Variants in PCCB observed in about 807,000 individuals in gnomAD.
PCCB encodes propionyl-CoA carboxylase beta chain, mitochondrial.
A neutral mutation model predicts 60.7 loss-of-function variants in PCCB; 43 were observed. That is an observed-to-expected ratio of 0.71 (90% CI 0.55 to 0.91). The LOEUF (loss-of-function observed/expected upper bound fraction) is 0.91, where lower values mean the gene tolerates loss of function less well. Ranked by LOEUF, PCCB falls within the 40% of genes least tolerant of loss-of-function variation. PCCB has a pLI of 0.00. For missense variants in PCCB, 766 were observed against 702.8 expected, an observed-to-expected ratio of 1.09 and a Z score of -1.02; for synonymous variants, 276 against 255.9, an observed-to-expected ratio of 1.08 and a Z score of -0.75.
chr3:136,274,776 G>A (rs1179959400), intron 5 of PCCB, among the ~76,000 whole-genome samples: 1 of 150,236 alleles, frequency 6.7e-6, no homozygotes, highest in Non-Finnish European at 1.5e-5. Flanking sequence ...AGGTTTGGTT[G>A]TTTTACATAA....
At chr3:136,279,520 A>G (rs1942417730) in intron 5 of PCCB, among the ~76,000 whole-genome samples, 1 of 152,134 alleles carries the variant, frequency 6.6e-6, no homozygotes, top group Admixed American at 6.5e-5. Context: ...ATACCAGGTT[A>G]GCTTTAGTAG....
chr3:136,266,930 T>A (rs537398205), intron 5 of PCCB, among the ~76,000 whole-genome samples: 4 of 152,340 alleles, frequency 2.6e-5, no homozygotes, highest in Admixed American at 1.3e-4. Context: ...TCCTCCAGGC[T>A]GGAGTTCAGT....
Position 136,298,053 on chromosome 3 carries a change from C to G in PCCB, c.865C>G (p.Arg289Gly). ...GAGCAGTCAGGACCCGGCTCCCGTC[C>G]GTGAGTGCCACGATCCCAGGTGGGT... ...PLSSQDPAPV[R>G]ECHDPSDRLV... Residue 289 changes from arginine (R) to glycine (G), a missense_variant, in exon 8 of 15, where the codon CGT (arginine) becomes GGT (glycine). Coordinates refer to ENST00000251654, the MANE Select transcript of PCCB (RefSeq NM_000532.5). The G allele has an allele frequency of 6.2e-7, 1 of 1,614,118 alleles. No homozygotes were observed. Among genetic ancestry groups the G allele is most frequent in the Non-Finnish European group, 8.5e-7 (1 of 1,179,990 alleles).
chr3:136,328,867 T>G lies in PCCB; in HGVS notation c.1498+10T>G, dbSNP rs777201996. 21 of 1,598,796 alleles carry G rather than the reference T, an allele frequency of 1.3e-5. No individual in the cohort carries two copies. Among genetic ancestry groups the G allele is most frequent in the Non-Finnish European group, 1.5e-5 (18 of 1,166,118 alleles). ...CCTGCAGCAGTGCGAGGTAGGGGAC[T>G]GTGGTGAAGAGGGCAGCTTTGTTTG... On this transcript the variant is annotated intron_variant, in intron 14 of 14. Coordinates refer to ENST00000251654, the MANE Select transcript of PCCB (RefSeq NM_000532.5).
At chr3:136,272,250 G>A (rs1035176521) in intron 5 of PCCB, among the ~76,000 whole-genome samples, 6 of 152,090 alleles carry the variant, frequency 3.9e-5, no homozygotes, top group African/African-American at 1.4e-4. Context: ...TGTGCTGTGG[G>A]ATTTGGTTAG....
In PCCB at chr3:136,255,096, G is replaced by T. The variant is rs192194349; in HGVS notation, c.184-760G>T. 1.8e-4 allele frequency among the ~76,000 whole-genome samples: 28 copies of T among 151,426 alleles called. No individual in the cohort carries two copies. The East Asian group carries it at 5.5e-3, about 30-fold the overall frequency. ...TCTCCATGTTGGTCAGGCTGGTCTC[G>T]ATCTCCTGACCTTGTGATCCACCCG... is the stretch of plus-strand genomic sequence containing the variant. On this transcript the variant is annotated intron_variant, in intron 1 of 14. Transcript: ENST00000251654.
intron 9 of PCCB, among the ~76,000 whole-genome samples, chr3:136,307,548 A>C (rs1281231056): frequency 6.6e-6 from 1 of 152,198 alleles, no homozygotes; most frequent in African/African-American, 2.4e-5. Context: ...AAAGGTAACC[A>C]CTAGACTAAA....
At chr3:136,314,743 A>G (rs925778377) in intron 9 of PCCB, among the ~76,000 whole-genome samples, 13 of 152,204 alleles carry the variant, frequency 8.5e-5, no homozygotes, top group African/African-American at 2.9e-4. Context: ...GGCAAGAATC[A>G]TGGCTGCTTG....
intron 5 of PCCB, among the ~76,000 whole-genome samples, chr3:136,276,529 G>A (rs1250565255): frequency 2.0e-5 from 3 of 152,074 alleles, no homozygotes; most frequent in Non-Finnish European, 4.4e-5. Context: ...GTTCCACACA[G>A]AGAGGAATTT....
intron 1 of PCCB, among the ~76,000 whole-genome samples, chr3:136,253,081 G>GGTTTTTT (rs1178870994): frequency 6.8e-5 from 4 of 58,438 alleles, no homozygotes; most frequent in Non-Finnish European, 1.0e-4. Flanking sequence ...AAGCAATGGA[G>GGTTTTTT]GTTTTTTTTT....
chr3:136,275,237 A>G (rs546390332), intron 5 of PCCB, among the ~76,000 whole-genome samples: 73 of 152,020 alleles, frequency 4.8e-4, no homozygotes, highest in African/African-American at 1.8e-3. Context: ...TTTCCATTGC[A>G]TTTTGTATTT....
chr3:136,308,069 A>G (rs974704954), intron 9 of PCCB, among the ~76,000 whole-genome samples: 1 of 152,084 alleles, frequency 6.6e-6, no homozygotes, highest in Non-Finnish European at 1.5e-5. Flanking sequence ...AAATATGTCT[A>G]ATTTGTTATG....
At chr3:136,284,010 A>T in intron 6 of PCCB, 63 bp downstream of exon 6, 1 of 1,010,758 alleles carries the variant, frequency 9.9e-7, no homozygotes, top group South Asian at 1.3e-5. Flanking sequence ...ACCTGCAATA[A>T]AAATAATTCC....
chr3:136,291,491 G>A (rs1269471412), intron 6 of PCCB, among the ~76,000 whole-genome samples: 4 of 152,202 alleles, frequency 2.6e-5, no homozygotes, highest in African/African-American at 9.7e-5. Flanking sequence ...GGAAGAGGAA[G>A]TGTTCTGTAG....
chr3:136,266,046 C>T (rs1941974027), intron 5 of PCCB, among the ~76,000 whole-genome samples: 2 of 151,596 alleles, frequency 1.3e-5, no homozygotes, highest in Admixed American at 6.6e-5. Flanking sequence ...AGGATGGTCT[C>T]GATCTCCTGA....
rs1935199929 is a variant in PCCB, at chr3:136,323,877, C to T, written c.1091-2926C>T. On this transcript the variant is annotated intron_variant, in intron 10 of 14. Coordinates refer to ENST00000251654, the MANE Select transcript of PCCB (RefSeq NM_000532.5). The stretch of plus-strand genomic sequence containing the variant: ...CTAGTAAGTTCAGTGTCTATGCTTA[C>T]TTAGGGATAGTTTCTTCATTTTATA... Among the ~76,000 whole-genome samples the T allele has an allele frequency of 2.0e-5, 3 of 149,240 alleles. No homozygotes were observed. In the South Asian group the frequency reaches 6.3e-4, roughly 32 times the overall value.
chr3:136,264,302 G>A (rs935371888), intron 5 of PCCB, among the ~76,000 whole-genome samples: 1 of 151,468 alleles, frequency 6.6e-6, no homozygotes, highest in Non-Finnish European at 1.5e-5. Flanking sequence ...ATTTAACATC[G>A]ATTCATCGAT....
chr3:136,261,767 A>G (rs1407067222), intron 4 of PCCB, among the ~76,000 whole-genome samples, 185 bp from the exon 5 acceptor site: 3 of 152,200 alleles, frequency 2.0e-5, no homozygotes, highest in Non-Finnish European at 2.9e-5. Flanking sequence ...TCAGCCTATT[A>G]AATATCTGGT....
At chr3:136,314,260 A>G (rs902588132) in intron 9 of PCCB, among the ~76,000 whole-genome samples, 10 of 152,250 alleles carry the variant, frequency 6.6e-5, no homozygotes, top group Admixed American at 2.0e-4. Flanking sequence ...GTGAAAGATT[A>G]TAATCCATAG....
Sources: gnomAD v4.1 joint callset for allele counts (sites outside exome capture counted in the v4.1 genomes callset) on GRCh38, gnomAD v4.1.1 for gene constraint, MANE v1.5 for transcripts, NCBI Gene and HGNC (gene_info 2026-07-23, HGNC 2026-07-21) for gene names.